Variants in RBFOX1 observed in about 807,000 individuals in gnomAD.
RBFOX1 encodes RNA binding protein fox-1 homolog 1.
In RBFOX1, 8 loss-of-function variants were observed where a neutral mutation model predicts 57.7. The observed-to-expected ratio is 0.14, with a 90% CI of 0.08 to 0.25. The LOEUF (loss-of-function observed/expected upper bound fraction) is 0.25, where lower values mean the gene tolerates loss of function less well. Among genes scored for constraint, RBFOX1 ranks in the 10% least tolerant of loss-of-function variants. RBFOX1 has a pLI of 1.00. For missense variants in RBFOX1, 611 were observed against 548.5 expected (o/e 1.11, Z -1.14); for synonymous variants, 326 against 222.4 (o/e 1.47, Z -4.15).
intron 2 of RBFOX1, among the ~76,000 whole-genome samples, chr16:5,554,679 T>C (rs1333358411): frequency 6.6e-6 from 1 of 152,218 alleles, no homozygotes; most frequent in Non-Finnish European, 1.5e-5. Context: ...AATTGGTTAG[T>C]ATTGCAACCT....
intron 3 of RBFOX1, among the ~76,000 whole-genome samples, chr16:6,786,846 G>A (rs907871437): frequency 6.6e-6 from 1 of 152,038 alleles, no homozygotes; most frequent in African/African-American, 2.4e-5. Context: ...GAATTGATTT[G>A]AGGATAGCAT....
chr16:5,532,879 C>T (rs1267884401), intron 2 of RBFOX1, among the ~76,000 whole-genome samples: 2 of 152,202 alleles, frequency 1.3e-5, no homozygotes, highest in East Asian at 3.9e-4. Context: ...CCTTCCCTTT[C>T]TGCCTGGAGA....
At chr16:5,548,317 C>G (rs981155053) in intron 2 of RBFOX1, among the ~76,000 whole-genome samples, 1 of 150,638 alleles carries the variant, frequency 6.6e-6, no homozygotes, top group Non-Finnish European at 1.5e-5. Flanking sequence ...GTACTGCAAA[C>G]TTCAGTGTCA....
At chr16:7,445,534 A>G (rs2098801233) in intron 4 of RBFOX1, among the ~76,000 whole-genome samples, 1 of 152,248 alleles carries the variant, frequency 6.6e-6, no homozygotes, top group South Asian at 2.1e-4. Context: ...TGACAGGTCC[A>G]TAAATCAAGG....
In RBFOX1 at chr16:5,970,442, C is replaced by A. The variant is rs1234684141; in HGVS notation, c.351+103107C>A. 2.0e-5 allele frequency among the ~76,000 whole-genome samples: 3 copies of A among 152,126 alleles called. No homozygotes were observed. The South Asian group carries it at 6.2e-4, about 32-fold the overall frequency. On this transcript the variant is annotated intron_variant, in intron 4 of 19. Coordinates refer to the RBFOX1 transcript ENST00000641259. The stretch of plus-strand genomic sequence containing the variant: ...GGGATTAAAACCAAGGCAGTCTCCT[C>A]TCTTGACTATGGTGGCATATTTCTG...
chr16:7,293,046 T>C (rs936686523), intron 4 of RBFOX1, among the ~76,000 whole-genome samples: 2 of 152,130 alleles, frequency 1.3e-5, no homozygotes, highest in Non-Finnish European at 2.9e-5. Flanking sequence ...GACAGTTTAA[T>C]CAAAGTCGAG....
chr16:6,648,213 T>G (rs1460315657), intron 2 of RBFOX1, among the ~76,000 whole-genome samples: 1 of 151,926 alleles, frequency 6.6e-6, no homozygotes, highest in African/African-American at 2.4e-5. Flanking sequence ...ACCTAGCTAA[T>G]TTTTTTCTTC....
At chr16:6,855,182 T>C (rs765874153) in intron 3 of RBFOX1, among the ~76,000 whole-genome samples, 64 of 151,926 alleles carry the variant, frequency 4.2e-4, no homozygotes, top group Non-Finnish European at 2.8e-4. Context: ...GAGCATGATA[T>C]CCCCAGTACC....
intron 4 of RBFOX1, among the ~76,000 whole-genome samples, chr16:7,418,472 G>C (rs1455734169): frequency 6.6e-6 from 1 of 152,166 alleles, no homozygotes; most frequent in East Asian, 1.9e-4. Flanking sequence ...ATCTGAGATG[G>C]AGATTACGCA....
intron 4 of RBFOX1, among the ~76,000 whole-genome samples, chr16:7,427,052 G>A (rs879481212): frequency 1.3e-5 from 2 of 152,160 alleles, no homozygotes; most frequent in Admixed American, 6.5e-5. Flanking sequence ...CTCATAGGTG[G>A]GAACTGAACA....
chr16:7,645,597 G>T (rs375964066), intron 11 of RBFOX1, among the ~76,000 whole-genome samples: 32 of 152,338 alleles, frequency 2.1e-4, no homozygotes, highest in African/African-American at 7.0e-4. Flanking sequence ...TGTAATGTCA[G>T]TGTTGAGATT....
intron 4 of RBFOX1, among the ~76,000 whole-genome samples, chr16:7,272,064 C>A (rs906111162): frequency 6.6e-6 from 1 of 152,206 alleles, no homozygotes; most frequent in African/African-American, 2.4e-5. Flanking sequence ...GGCTTGTGAT[C>A]ATATCCTCTT....
chr16:5,370,578 T>G (rs1162541606), intron 1 of RBFOX1, among the ~76,000 whole-genome samples: 1 of 151,974 alleles, frequency 6.6e-6, no homozygotes, highest in African/African-American at 2.4e-5. Flanking sequence ...GCGTAGCCTC[T>G]AATTCCTGGC....
chr16:6,966,216 C>T (rs528998848), intron 3 of RBFOX1, among the ~76,000 whole-genome samples: 3 of 152,176 alleles, frequency 2.0e-5, no homozygotes, highest in African/African-American at 7.2e-5. Flanking sequence ...CCTCTCTGTC[C>T]CAGCTTCTCA....
chr16:5,466,076 G>C (rs2068943685), intron 1 of RBFOX1, among the ~76,000 whole-genome samples: 1 of 152,052 alleles, frequency 6.6e-6, no homozygotes, highest in South Asian at 2.1e-4. Context: ...GTTTTGACAA[G>C]AAAAAAGGGA....
chr16:5,896,535 C>G (rs2058167378), intron 4 of RBFOX1, among the ~76,000 whole-genome samples: 2 of 152,200 alleles, frequency 1.3e-5, no homozygotes, highest in South Asian at 4.1e-4. Context: ...GAGACTCTCA[C>G]CAGAAGCAGA....
chr16:7,608,888 A>T (rs1016638548), intron 10 of RBFOX1, among the ~76,000 whole-genome samples: 2 of 152,222 alleles, frequency 1.3e-5, no homozygotes, highest in South Asian at 4.1e-4. Flanking sequence ...TGAGTATGCT[A>T]TGAGACAAAG....
chr16:7,680,081 G>C lies in RBFOX1; in HGVS notation c.995+3243G>C, dbSNP rs1292011218. Among the ~76,000 whole-genome samples the C allele has an allele frequency of 3.3e-5, 5 of 152,098 alleles. No homozygotes were observed. The South Asian group carries it at 1.0e-3, about 32-fold the overall frequency. On this transcript the variant is annotated intron_variant, in intron 14 of 15. Coordinates refer to ENST00000550418, the MANE Select transcript of RBFOX1 (RefSeq NM_018723.4). ...ATGGCAGAGGGGCCTTTGGTCATCCGGTCATTGCATGCCACTTGGTGTTGC... is the reference window on the plus strand; with the variant it reads ...ATGGCAGAGGGGCCTTTGGTCATCCCGTCATTGCATGCCACTTGGTGTTGC...
At chr16:6,854,701 T>A (rs888619678) in intron 3 of RBFOX1, among the ~76,000 whole-genome samples, 1 of 149,574 alleles carries the variant, frequency 6.7e-6, no homozygotes, top group African/African-American at 2.5e-5. Flanking sequence ...TTCAAGTCGT[T>A]CTCCTGCGTC....
Sources: gnomAD v4.1 joint callset for allele counts (sites outside exome capture counted in the v4.1 genomes callset) on GRCh38, gnomAD v4.1.1 for gene constraint, MANE v1.5 for transcripts, NCBI Gene and HGNC (gene_info 2026-07-23, HGNC 2026-07-21) for gene names.